The following SPRR2B variants were observed in gnomAD, a reference collection of about 807,000 sequenced individuals.
SPRR2B encodes the protein small proline-rich protein 2B.
In SPRR2B, 1 loss-of-function variant was observed where a neutral mutation model predicts 1.0. The ratio of observed to expected loss-of-function variants is 1.01; its 90% confidence interval spans 0.36 to 4.77. SPRR2B has a LOEUF of 4.77. Among genes scored for constraint, SPRR2B ranks in the 30% most tolerant of loss-of-function variants. The pLI is 0.16. For missense variants in SPRR2B, 53 were observed against 88.7 expected, an observed-to-expected ratio of 0.60 and a Z score of 1.62; for synonymous variants, 27 against 33.4, an observed-to-expected ratio of 0.81 and a Z score of 0.66.
upstream of SPRR2B, among the ~76,000 whole-genome samples, chr1:153,073,971 T>C (rs1025704446): frequency 1.2e-4 from 18 of 152,216 alleles, no homozygotes; most frequent in African/African-American, 4.3e-4. Flanking sequence ...TTTGTGCGTG[T>C]GTGTGTTCAT....
At chr1:153,085,461 A>ATT in the SPRR2B span, among the ~76,000 whole-genome samples, 15 of 152,226 alleles carry the variant, frequency 9.9e-5, no homozygotes, top group African/African-American at 3.6e-4. Flanking sequence ...CTGAAATAAG[A>ATT]CAGCCAGACA....
At chr1:153,079,395 T>C in the SPRR2B span, among the ~76,000 whole-genome samples, 97 of 152,320 alleles carry the variant, frequency 6.4e-4, no homozygotes, top group African/African-American at 2.3e-3. Flanking sequence ...AATTTTGGCT[T>C]TTGTTGACAT....
At chr1:153,078,812 T>C in the SPRR2B span, among the ~76,000 whole-genome samples, 2 of 152,240 alleles carry the variant, frequency 1.3e-5, no homozygotes, top group Admixed American at 6.5e-5. Context: ...TGAATAGTGC[T>C]GCAATAAACA....
the SPRR2B span, among the ~76,000 whole-genome samples, chr1:153,083,300 T>C: frequency 1.3e-5 from 2 of 151,848 alleles, no homozygotes; most frequent in Non-Finnish European, 2.9e-5. Context: ...AAGCTGAAAA[T>C]AGGGACTACT....
At chr1:153,073,571 A>G (rs1654715590), upstream of SPRR2B, among the ~76,000 whole-genome samples, 1 of 152,106 alleles carries the variant, frequency 6.6e-6, no homozygotes, top group South Asian at 2.1e-4. Flanking sequence ...GGTGAACTGG[A>G]AACTCAGAGT....
the SPRR2B span, among the ~76,000 whole-genome samples, chr1:153,085,280 A>G: frequency 6.6e-6 from 1 of 152,206 alleles, no homozygotes; most frequent in Non-Finnish European, 1.5e-5. Flanking sequence ...AAGAATCACA[A>G]TAAAACAACA....
the SPRR2B span, among the ~76,000 whole-genome samples, chr1:153,080,112 AAGAAAACCT>A: frequency 0.4 from 60,272 of 151,492 alleles, 12,336 homozygotes; most frequent in Non-Finnish European, 0.45. Flanking sequence ...TTTATTCACC[AAGAAAACCT>A]AGAAAATATA....
chr1:153,081,826 T>C, the SPRR2B span, among the ~76,000 whole-genome samples: 1 of 50,316 alleles, frequency 2.0e-5, no homozygotes, highest in African/African-American at 7.1e-5. Flanking sequence ...TTTTCTTTTC[T>C]TTTTTTTTTT....
chr1:153,085,443 T>A, the SPRR2B span, among the ~76,000 whole-genome samples: 1 of 151,186 alleles, frequency 6.6e-6, no homozygotes, highest in Non-Finnish European at 1.5e-5. Flanking sequence ...AATCCCAGAG[T>A]TCAAACACTG....
At chr1:153,076,816 T>C in the SPRR2B span, among the ~76,000 whole-genome samples, 1 of 152,330 alleles carries the variant, frequency 6.6e-6, no homozygotes, top group African/African-American at 2.4e-5. Context: ...CTTCAATAAT[T>C]AAATGGATAA....
At chr1:153,074,495 C>A (rs551951949), upstream of SPRR2B, among the ~76,000 whole-genome samples, 1 of 152,286 alleles carries the variant, frequency 6.6e-6, no homozygotes, top group East Asian at 1.9e-4. Context: ...TCCTTCCATG[C>A]TGAATCCAAT....
chr1:153,087,674 A>G, the SPRR2B span, among the ~76,000 whole-genome samples: 213 of 152,238 alleles, frequency 1.4e-3, no homozygotes, highest in African/African-American at 4.9e-3. Context: ...GGACACATAC[A>G]CCCTCCAAAC....
the SPRR2B span, among the ~76,000 whole-genome samples, chr1:153,083,297 A>C: frequency 6.6e-6 from 1 of 152,240 alleles, no homozygotes; most frequent in Non-Finnish European, 1.5e-5. Context: ...AGAAAGCTGA[A>C]AATAGGGACT....
At chr1:153,083,743 G>A in the SPRR2B span, among the ~76,000 whole-genome samples, 1 of 152,208 alleles carries the variant, frequency 6.6e-6, no homozygotes, top group Non-Finnish European at 1.5e-5. Context: ...TCCAGCAGGA[G>A]AAGACCCCCT....
the SPRR2B span, among the ~76,000 whole-genome samples, chr1:153,078,421 G>C: frequency 6.6e-6 from 1 of 152,168 alleles, no homozygotes; most frequent in Non-Finnish European, 1.5e-5. Flanking sequence ...GTGCAGGTTA[G>C]TTACATATGT....
the SPRR2B span, among the ~76,000 whole-genome samples, chr1:153,083,481 G>A: frequency 6.6e-6 from 1 of 152,068 alleles, no homozygotes; most frequent in Non-Finnish European, 1.5e-5. Flanking sequence ...ATGGCCAACT[G>A]GATGCAGCCA....
chr1:153,072,139 T>G (rs1489354598), upstream of SPRR2B, among the ~76,000 whole-genome samples: 1 of 152,178 alleles, frequency 6.6e-6, no homozygotes, highest in Non-Finnish European at 1.5e-5. Context: ...GACCACATTG[T>G]GCCATCTGTT....
chr1:153,075,187 A>T (rs76388648), upstream of SPRR2B, among the ~76,000 whole-genome samples: 4 of 152,160 alleles, frequency 2.6e-5, no homozygotes, highest in East Asian at 7.7e-4. Flanking sequence ...TACTAAAAAT[A>T]CAAAAATTAG....
At chr1:153,086,120 T>A in the SPRR2B span, among the ~76,000 whole-genome samples, 1 of 152,154 alleles carries the variant, frequency 6.6e-6, no homozygotes, top group Non-Finnish European at 1.5e-5. Context: ...GGCAACCACA[T>A]AAACAAGTTT....
Sources: gnomAD v4.1 joint callset for allele counts (sites outside exome capture counted in the v4.1 genomes callset) on GRCh38, gnomAD v4.1.1 for gene constraint, MANE v1.5 for transcripts, NCBI Gene and HGNC (gene_info 2026-07-23, HGNC 2026-07-21) for gene names.